Variants in SBF2 observed in about 807,000 individuals in gnomAD.
The protein encoded by SBF2 is SET binding factor 2, also known as myotubularin-related protein 13.
SBF2 carries 112 observed loss-of-function variants against 225.2 expected under a neutral mutation model. The observed-to-expected ratio is 0.50, with a 90% CI of 0.43 to 0.58. SBF2 has a LOEUF of 0.58. SBF2 is among the 20% of genes least tolerant of loss of function. The pLI is 0.00. For synonymous variants in SBF2, 763 were observed against 773.3 expected, an observed-to-expected ratio of 0.99 and a Z score of 0.22; for missense variants, 1,996 against 2,206.2, an observed-to-expected ratio of 0.90 and a Z score of 1.91.
intron 16 of SBF2, among the ~76,000 whole-genome samples, chr11:9,915,233 G>A (rs577380630): frequency 6.6e-6 from 1 of 152,006 alleles, no homozygotes; most frequent in African/African-American, 2.4e-5. Context: ...CAGATCATGA[G>A]GTCAAGAGAT....
chr11:9,853,736 C>T, intron 19 of SBF2, 24 bp from the exon 20 acceptor site: 1 of 1,609,898 alleles, frequency 6.2e-7, no homozygotes, highest in South Asian at 1.1e-5. Flanking sequence ...GGAAAGAAAT[C>T]ATGGTCAGTA....
intron 28 of SBF2, among the ~76,000 whole-genome samples, chr11:9,827,113 T>C (rs1385155990): frequency 6.6e-6 from 1 of 152,142 alleles, no homozygotes; most frequent in East Asian, 1.9e-4. Context: ...GCTGGGATTA[T>C]AGGCGTGAGC....
At chr11:10,141,048 C>T (rs999340068) in intron 2 of SBF2, among the ~76,000 whole-genome samples, 18 of 152,054 alleles carry the variant, frequency 1.2e-4, no homozygotes, top group African/African-American at 3.9e-4. Context: ...GAAAATGACT[C>T]GGTCCAGAGA....
intron 6 of SBF2, among the ~76,000 whole-genome samples, chr11:10,008,208 TG>T (rs1948285171): frequency 6.6e-6 from 1 of 152,158 alleles, no homozygotes; most frequent in Non-Finnish European, 1.5e-5. Context: ...ACAAAGGCTG[TG>T]AACTATAATA....
At chr11:10,063,848 C>CAGAGAG (rs1222323355) in intron 2 of SBF2, among the ~76,000 whole-genome samples, 1 of 116,584 alleles carries the variant, frequency 8.6e-6, no homozygotes, top group Admixed American at 9.1e-5. Flanking sequence ...CACACACACA[C>CAGAGAG]ACACACACAC....
intron 3 of SBF2, among the ~76,000 whole-genome samples, chr11:10,034,842 G>T (rs1488330153): frequency 6.6e-6 from 1 of 152,146 alleles, no homozygotes; most frequent in Non-Finnish European, 1.5e-5. Flanking sequence ...GCAAAATTCT[G>T]TAAGTTCTAA....
At chr11:10,285,359 GA>G (rs1006277131) in intron 1 of SBF2, among the ~76,000 whole-genome samples, 4 of 150,328 alleles carry the variant, frequency 2.7e-5, no homozygotes, top group Admixed American at 2.6e-4. Flanking sequence ...GAGAGGGGAG[GA>G]AAAAGGGAGG....
chr11:9,971,592 T>G (rs558609304), intron 13 of SBF2, among the ~76,000 whole-genome samples: 3 of 151,980 alleles, frequency 2.0e-5, no homozygotes, highest in Non-Finnish European at 4.4e-5. Flanking sequence ...GGGAGGAGGA[T>G]AGTTTAAGCC....
intron 1 of SBF2, among the ~76,000 whole-genome samples, chr11:10,289,969 G>C (rs1314471736): frequency 6.6e-6 from 1 of 152,084 alleles, no homozygotes; most frequent in Non-Finnish European, 1.5e-5. Flanking sequence ...GGGCACAGGG[G>C]ACCCACCAGC....
intron 2 of SBF2, among the ~76,000 whole-genome samples, chr11:10,050,112 C>T (rs994695097): frequency 6.6e-6 from 1 of 152,160 alleles, no homozygotes; most frequent in African/African-American, 2.4e-5. Flanking sequence ...TAGCTAATCA[C>T]TAGGCTTGGT....
chr11:9,921,365 C>T (rs755554684), intron 16 of SBF2, among the ~76,000 whole-genome samples: 3 of 152,184 alleles, frequency 2.0e-5, no homozygotes, highest in Non-Finnish European at 4.4e-5. Flanking sequence ...CCACCGCGTC[C>T]AGCCAGAACT....
chr11:10,216,747 G>A (rs148184290), intron 1 of SBF2, among the ~76,000 whole-genome samples: 10,228 of 152,198 alleles, frequency 0.067, 527 homozygotes, highest in East Asian at 0.29. Context: ...GCGGGCCCCT[G>A]TAATCCCAGC....
intron 17 of SBF2, among the ~76,000 whole-genome samples, chr11:9,878,591 A>G (rs1409891376): frequency 2.0e-5 from 3 of 152,202 alleles, no homozygotes; most frequent in African/African-American, 7.2e-5. Flanking sequence ...GAGGGCAGAG[A>G]CCATGTCTTG....
chr11:10,032,460 T>C (rs1440949029), intron 3 of SBF2, among the ~76,000 whole-genome samples: 1 of 152,210 alleles, frequency 6.6e-6, no homozygotes, highest in East Asian at 1.9e-4. Context: ...CACTGCTCTA[T>C]GCGCTTCTGT....
intron 2 of SBF2, among the ~76,000 whole-genome samples, chr11:10,051,897 T>C (rs1950079539): frequency 6.6e-6 from 1 of 152,044 alleles, no homozygotes; most frequent in Admixed American, 6.5e-5. Flanking sequence ...CTCATAGAAT[T>C]TGGATTTCAA....
At chr11:9,841,531 GTTCT>G (rs1409066192) in intron 25 of SBF2, among the ~76,000 whole-genome samples, 17 of 77,426 alleles carry the variant, frequency 2.2e-4, no homozygotes, top group Non-Finnish European at 4.4e-4. Context: ...AACCACATAG[GTTCT>G]TTTTTTTTTT....
intron 1 of SBF2, among the ~76,000 whole-genome samples, chr11:10,261,865 T>A (rs922397627): frequency 1.1e-4 from 17 of 152,192 alleles, no homozygotes; most frequent in African/African-American, 3.6e-4. Context: ...AAGCCTTACA[T>A]AAAGAAATAT....
chr11:9,907,992 T>C (rs1053402446), intron 16 of SBF2, among the ~76,000 whole-genome samples: 2 of 152,166 alleles, frequency 1.3e-5, no homozygotes, highest in Admixed American at 6.5e-5. Context: ...CTTACTCCAG[T>C]ATTTGTGCTT....
intron 1 of SBF2, among the ~76,000 whole-genome samples, chr11:10,220,352 T>C (rs1408611177): frequency 1.3e-5 from 2 of 152,190 alleles, no homozygotes; most frequent in East Asian, 3.8e-4. Flanking sequence ...ACGAGAATTA[T>C]GAGAGCTACA....
Sources: allele counts gnomAD v4.1 joint callset (sites outside exome capture counted in the v4.1 genomes callset), GRCh38; gene constraint gnomAD v4.1.1; transcripts MANE v1.5; gene names NCBI Gene and HGNC (gene_info 2026-07-23, HGNC 2026-07-21).